FBXL7: variants seen among roughly 807,000 people sequenced by gnomAD.
FBXL7 encodes F-box/LRR-repeat protein 7.
A neutral mutation model predicts 38.3 loss-of-function variants in FBXL7; 12 were observed. The ratio of observed to expected loss-of-function variants is 0.31; its 90% CI spans 0.20 to 0.51. The LOEUF is 0.51. FBXL7 is among the 20% of genes least tolerant of loss of function. The pLI is 0.98. For synonymous variants in FBXL7, 297 were observed against 300.9 expected (o/e 0.99, Z 0.13); for missense variants, 567 against 676.4 (o/e 0.84, Z 1.79).
chr5:15,846,777 G>C (rs771892504), intron 2 of FBXL7, among the ~76,000 whole-genome samples: 10 of 152,084 alleles, frequency 6.6e-5, no homozygotes, highest in Non-Finnish European at 1.0e-4. Context: ...AGAGAAGGTT[G>C]TCATCTGTTA....
At chr5:15,922,040 C>T (rs1741756600) in intron 2 of FBXL7, among the ~76,000 whole-genome samples, 1 of 152,042 alleles carries the variant, frequency 6.6e-6, no homozygotes, top group Non-Finnish European at 1.5e-5. Context: ...ATGTTCATTA[C>T]AGCACTGTTC....
chr5:15,661,779 G>A (rs913524110), intron 2 of FBXL7, among the ~76,000 whole-genome samples: 2 of 152,164 alleles, frequency 1.3e-5, no homozygotes, highest in African/African-American at 2.4e-5. Context: ...AGAGCATACA[G>A]TATTTGGATT....
chr5:15,838,204 G>A (rs961776013), intron 2 of FBXL7, among the ~76,000 whole-genome samples: 15 of 152,174 alleles, frequency 9.9e-5, no homozygotes, highest in African/African-American at 3.6e-4. Flanking sequence ...CTATAACAAA[G>A]TGCCATATAA....
At chr5:15,755,267 T>C (rs1471162795) in intron 2 of FBXL7, among the ~76,000 whole-genome samples, 2 of 152,170 alleles carry the variant, frequency 1.3e-5, no homozygotes, top group African/African-American at 4.8e-5. Context: ...TTAACAAAAA[T>C]ATGTAATTAG....
At chr5:15,784,439 T>A (rs1280695918) in intron 2 of FBXL7, among the ~76,000 whole-genome samples, 1 of 152,218 alleles carries the variant, frequency 6.6e-6, no homozygotes, top group African/African-American at 2.4e-5. Context: ...TTGACAGATG[T>A]ATTATGTTGA....
chr5:15,746,303 T>G (rs1579428755), intron 2 of FBXL7, among the ~76,000 whole-genome samples: 1 of 152,166 alleles, frequency 6.6e-6, no homozygotes, highest in South Asian at 2.1e-4. Context: ...AGTTGGATAT[T>G]TGAGCCTGGA....
intron 1 of FBXL7, among the ~76,000 whole-genome samples, chr5:15,526,083 A>G (rs149640438): frequency 3.9e-5 from 6 of 152,220 alleles, no homozygotes; most frequent in Non-Finnish European, 7.4e-5. Context: ...GTCATCTGCA[A>G]TGGTAGGGTG....
intron 1 of FBXL7, among the ~76,000 whole-genome samples, chr5:15,543,340 A>G (rs932245495): frequency 1.3e-5 from 2 of 152,046 alleles, no homozygotes; most frequent in East Asian, 1.9e-4. Flanking sequence ...CTTACTCACT[A>G]CTACCAGAAT....
At chr5:15,851,813 TACACACACACACACACACACAC>T (rs35896061) in intron 2 of FBXL7, among the ~76,000 whole-genome samples, 1,839 of 133,676 alleles carry the variant, frequency 0.014, 37 homozygotes, top group African/African-American at 0.047. Flanking sequence ...TGCAAACTAA[TACACACACACACACACACACAC>T]ACACACACAC....
At chr5:15,794,621 A>C (rs1737367029) in intron 2 of FBXL7, among the ~76,000 whole-genome samples, 3 of 152,162 alleles carry the variant, frequency 2.0e-5, no homozygotes, top group East Asian at 3.9e-4. Context: ...GGGGTAGTGA[A>C]GGTTTTTTGC....
At chr5:15,535,893 G>T (rs1737570386) in intron 1 of FBXL7, among the ~76,000 whole-genome samples, 1 of 152,240 alleles carries the variant, frequency 6.6e-6, no homozygotes, top group Non-Finnish European at 1.5e-5. Flanking sequence ...TGTCTCCAGG[G>T]CATTTCAGAT....
chr5:15,822,157 CCTGT>C (rs886414223), intron 2 of FBXL7, among the ~76,000 whole-genome samples: 1 of 150,598 alleles, frequency 6.6e-6, no homozygotes, highest in African/African-American at 2.4e-5. Context: ...TCGAGACCAT[CCTGT>C]CTAACATGGT....
In FBXL7 at chr5:15,789,909, C is replaced by T. The variant is rs78457414; in HGVS notation, c.128-137981C>T. ...AAAGCACGATGCTTACAATAAAATG[C>T]GTGTGACCTGCCTGGGTGAATTAGT... On this transcript the variant is annotated intron_variant, in intron 2 of 3. Coordinates refer to ENST00000504595, the MANE Select transcript of FBXL7 (RefSeq NM_012304.5). Among the ~76,000 whole-genome samples, 218 of 152,256 alleles carry T rather than the reference C, an allele frequency of 1.4e-3. 3 individuals carry two copies. The highest frequency in any genetic ancestry group is 0.012 in the Admixed American group (190 of 15,302).
At chr5:15,929,340 T>A (rs1233444611) in intron 3 of FBXL7, among the ~76,000 whole-genome samples, 1 of 152,168 alleles carries the variant, frequency 6.6e-6, no homozygotes, top group Non-Finnish European at 1.5e-5. Flanking sequence ...TTGAAGGAAG[T>A]CGGGCGTAGA....
chr5:15,923,186 C>T (rs763510531), intron 2 of FBXL7, among the ~76,000 whole-genome samples: 9 of 152,196 alleles, frequency 5.9e-5, no homozygotes, highest in Non-Finnish European at 1.3e-4. Context: ...CCTGTTTCTA[C>T]TCTCAGAAGA....
chr5:15,626,820 A>G (rs1381403002), intron 2 of FBXL7, among the ~76,000 whole-genome samples: 1 of 152,314 alleles, frequency 6.6e-6, no homozygotes, highest in East Asian at 1.9e-4. Context: ...ATCTAAGTGT[A>G]TTTGTAATGA....
At chr5:15,845,152 T>C (rs564294534) in intron 2 of FBXL7, among the ~76,000 whole-genome samples, 1 of 152,342 alleles carries the variant, frequency 6.6e-6, no homozygotes, top group South Asian at 2.1e-4. Flanking sequence ...ATTTAACTGC[T>C]GGGTGAAAAT....
At chr5:15,812,798 T>G (rs1737902664) in intron 2 of FBXL7, among the ~76,000 whole-genome samples, 1 of 152,164 alleles carries the variant, frequency 6.6e-6, no homozygotes, top group Non-Finnish European at 1.5e-5. Flanking sequence ...GTGTTCTCTC[T>G]TATTTCCTTG....
intron 2 of FBXL7, among the ~76,000 whole-genome samples, chr5:15,723,220 C>A (rs951903294): frequency 2.0e-5 from 3 of 152,024 alleles, no homozygotes; most frequent in African/African-American, 7.2e-5. Flanking sequence ...ACAATTAATA[C>A]AAAAGTGAAA....
Sources: gnomAD v4.1 joint callset for allele counts (sites outside exome capture counted in the v4.1 genomes callset) on GRCh38, gnomAD v4.1.1 for gene constraint, MANE v1.5 for transcripts, NCBI Gene and HGNC (gene_info 2026-07-23, HGNC 2026-07-21) for gene names.